Variants in ARID1B observed in about 807,000 individuals in gnomAD.
ARID1B encodes AT-rich interaction domain 1B, also known as AT-rich interactive domain-containing protein 1B.
In ARID1B, 30 loss-of-function variants were observed where a neutral mutation model predicts 212.3. That is an observed-to-expected ratio of 0.14 (90% CI 0.11 to 0.19). The LOEUF (loss-of-function observed/expected upper bound fraction) is 0.19. Ranked by LOEUF, ARID1B falls within the 10% of genes least tolerant of loss-of-function variation. The pLI is 1.00. For missense variants in ARID1B, 2,891 were observed against 3,204.0 expected (o/e 0.90, Z 2.36); for synonymous variants, 1,402 against 1,301.7 (o/e 1.08, Z -1.66).
chr6:156,897,264 C>CTTCTTCTTCTTCTTATTATTA lies in ARID1B; in HGVS notation c.1987-4110_1987-4109insCTTCTTCTTCTTATTATTATT, dbSNP rs71027320. On this transcript the variant is annotated intron_variant, in intron 2 of 19. Transcript: ENST00000636930. ...TCTTCTTCTTCTTCTTCTTCTTCTTCTTATTATTATTATTATTATTATTAT... is the reference window on the plus strand; with the variant it reads ...TCTTCTTCTTCTTCTTCTTCTTCTTCTTCTTCTTCTTCTTATTATTATTATTATTATTATTATTATTATTAT... 6.1e-3 allele frequency among the ~76,000 whole-genome samples: 511 copies of CTTCTTCTTCTTCTTATTATTA among 83,534 alleles called. 5 individuals carry two copies. Among genetic ancestry groups the CTTCTTCTTCTTCTTATTATTA allele is most frequent in the Non-Finnish European group, 9.0e-3 (373 of 41,590 alleles). The allele number at this position is 83,534 out of a possible 152,430, so 54.8% of individuals were successfully genotyped here.
intron 3 of ARID1B, among the ~76,000 whole-genome samples, chr6:156,909,661 A>G (rs1173456154): frequency 6.6e-6 from 1 of 151,872 alleles, no homozygotes; most frequent in Admixed American, 6.6e-5. Flanking sequence ...CTCTTGAAAA[A>G]CCTGGGTCAA....
chr6:156,943,442 C>G (rs1243977812), intron 4 of ARID1B: 1 of 150,520 alleles, frequency 6.6e-6, no homozygotes, highest in Non-Finnish European at 1.5e-5. Context: ...AAAAAAGTGA[C>G]TAAGCTTTCT....
At chr6:156,847,220 G>A (rs1389608515) in intron 2 of ARID1B, among the ~76,000 whole-genome samples, 1 of 152,078 alleles carries the variant, frequency 6.6e-6, no homozygotes, top group African/African-American at 2.4e-5. Flanking sequence ...CTGGTAATGT[G>A]CCAGAGTTTT....
intron 1 of ARID1B, among the ~76,000 whole-genome samples, chr6:156,826,012 G>A (rs1247523504): frequency 6.6e-6 from 1 of 152,116 alleles, no homozygotes; most frequent in African/African-American, 2.4e-5. Context: ...TTATGAAGGC[G>A]GCTCAGGTTA....
At chr6:157,043,508 C>G (rs1389435376) in intron 4 of ARID1B, among the ~76,000 whole-genome samples, 2 of 152,124 alleles carry the variant, frequency 1.3e-5, no homozygotes, top group Admixed American at 6.5e-5. Flanking sequence ...GCATTTTCCC[C>G]CATAATATGG....
At chr6:157,133,230 A>G (rs376193012) in intron 7 of ARID1B, 23 bp downstream of exon 7, 10 of 1,562,734 alleles carry the variant, frequency 6.4e-6, no homozygotes, top group Non-Finnish European at 8.6e-6. Flanking sequence ...CTTCTCCAAA[A>G]TGCATGGCAG....
chr6:157,082,486 C>A (rs1784701637), intron 4 of ARID1B, among the ~76,000 whole-genome samples: 5 of 152,168 alleles, frequency 3.3e-5, no homozygotes, highest in African/African-American at 9.7e-5. Context: ...TAAGGATTAG[C>A]ATAAATGTTT....
At chr6:156,922,058 G>A (rs945937407) in intron 3 of ARID1B, among the ~76,000 whole-genome samples, 12 of 152,124 alleles carry the variant, frequency 7.9e-5, no homozygotes, top group African/African-American at 2.7e-4. Flanking sequence ...TATCCAGCAC[G>A]CGGGTTCAGG....
chr6:156,939,833 T>G (rs1792532100), intron 4 of ARID1B: 1 of 152,208 alleles, frequency 6.6e-6, no homozygotes, highest in Non-Finnish European at 1.5e-5. Context: ...GTAATACATC[T>G]TTTTTACTTA....
intron 2 of ARID1B, among the ~76,000 whole-genome samples, chr6:156,847,344 G>A (rs914922832): frequency 1.3e-5 from 2 of 152,214 alleles, no homozygotes; most frequent in African/African-American, 4.8e-5. Context: ...TGTAAGGGTG[G>A]GGTGGCCTTT....
chr6:156,830,943 C>T (rs1783100837), intron 2 of ARID1B, among the ~76,000 whole-genome samples: 1 of 152,110 alleles, frequency 6.6e-6, no homozygotes, highest in Non-Finnish European at 1.5e-5. Context: ...TGTCAGAGAC[C>T]TCACTTCTCA....
chr6:156,997,656 CTTG>C (rs1454033887), intron 4 of ARID1B, among the ~76,000 whole-genome samples: 2 of 143,246 alleles, frequency 1.4e-5, no homozygotes, highest in East Asian at 2.0e-4. Flanking sequence ...TGCATTTTAA[CTTG>C]TTTTTTTTTT....
intron 2 of ARID1B, among the ~76,000 whole-genome samples, chr6:156,897,215 GCTGCTTCTTCTT>G (rs796739832): frequency 1.3e-5 from 1 of 76,202 alleles, no homozygotes; most frequent in African/African-American, 3.8e-5. Context: ...TGCTGCTGCT[GCTGCTTCTTCTT>G]CTTCTTCTTC....
chr6:156,993,329 G>A (rs1286485043), intron 4 of ARID1B, among the ~76,000 whole-genome samples: 3 of 152,158 alleles, frequency 2.0e-5, no homozygotes, highest in Non-Finnish European at 4.4e-5. Flanking sequence ...GAGCCACTGC[G>A]CCTGGCACAT....
chr6:156,985,293 A>G (rs886236564), intron 4 of ARID1B: 2 of 152,248 alleles, frequency 1.3e-5, no homozygotes, highest in African/African-American at 4.8e-5. Flanking sequence ...AATCAATGTG[A>G]TAATATCCGC....
chr6:156,989,524 TTAAG>T (rs1316178535), intron 4 of ARID1B, among the ~76,000 whole-genome samples: 2 of 152,218 alleles, frequency 1.3e-5, no homozygotes, highest in Non-Finnish European at 2.9e-5. Flanking sequence ...TAGATAGTCA[TTAAG>T]TAAGGACCCT....
chr6:157,057,043 C>G (rs991929806), intron 4 of ARID1B, among the ~76,000 whole-genome samples: 1 of 151,236 alleles, frequency 6.6e-6, no homozygotes, highest in Admixed American at 6.6e-5. Context: ...CACTCTGTTG[C>G]TCAGGCTGGA....
chr6:156,807,150 C>T (rs1478270587), intron 1 of ARID1B, among the ~76,000 whole-genome samples: 1 of 145,240 alleles, frequency 6.9e-6, no homozygotes, highest in Non-Finnish European at 1.5e-5. Flanking sequence ...CCCCCCACGC[C>T]CCACCCAGTG....
At chr6:156,877,958 C>T (rs1786696897) in intron 2 of ARID1B, among the ~76,000 whole-genome samples, 1 of 152,068 alleles carries the variant, frequency 6.6e-6, no homozygotes, top group South Asian at 2.1e-4. Flanking sequence ...ACAAGTAATC[C>T]ACCTGCCTCA....
Sources: gnomAD v4.1 joint callset for allele counts (sites outside exome capture counted in the v4.1 genomes callset) on GRCh38, gnomAD v4.1.1 for gene constraint, MANE v1.5 for transcripts, NCBI Gene and HGNC (gene_info 2026-07-23, HGNC 2026-07-21) for gene names.